Variants in TNRC18 observed in about 807,000 individuals in gnomAD.
TNRC18 encodes the protein trinucleotide repeat containing 18, also known as trinucleotide repeat-containing gene 18 protein.
A neutral mutation model predicts 226.7 loss-of-function variants in TNRC18; 69 were observed. The observed-to-expected ratio is 0.30, with a 90% CI of 0.25 to 0.37. The LOEUF (loss-of-function observed/expected upper bound fraction) is 0.37, where lower values mean the gene tolerates loss of function less well. Ranked by LOEUF, TNRC18 falls within the 10% of genes least tolerant of loss-of-function variation. The pLI is 1.00. For missense variants in TNRC18, 4,754 were observed against 4,256.6 expected, an observed-to-expected ratio of 1.12 and a Z score of -3.25; for synonymous variants, 2,449 against 1,927.6, an observed-to-expected ratio of 1.27 and a Z score of -7.09.
chr7:5,344,551 T>C (rs1325163180), intron 18 of TNRC18, among the ~76,000 whole-genome samples: 2 of 151,998 alleles, frequency 1.3e-5, no homozygotes, highest in East Asian at 1.9e-4. Context: ...GGGTGGGGCT[T>C]TGCTCCACGA....
In TNRC18 at chr7:5,374,469, C is replaced by T. The variant is rs1206871844; in HGVS notation, c.2815G>A (p.Ala939Thr). 1.9e-6 allele frequency: 3 copies of T among 1,546,772 alleles called. No homozygotes were observed. Among genetic ancestry groups the T allele is most frequent in the Admixed American group, 2.0e-5 (1 of 51,008 alleles). ...SAQLVQERLK[A>T]QEHRAEMEEK... ...TCCATCTCCGCCCGGTGCTCCTGCG[C>T]CTTCAACCGCTCCTGCTGGGAAGGG... Residue 939 changes from alanine (A) to threonine (T), a missense_variant, in exon 10 of 30, where the codon GCG (alanine) becomes ACG (threonine). Ala to Thr is a moderately conservative substitution (Grantham distance 58). Coordinates refer to ENST00000430969, the MANE Select transcript of TNRC18 (RefSeq NM_001080495.3).
At chr7:5,367,776 C>A (rs575271719) in intron 11 of TNRC18, among the ~76,000 whole-genome samples, 1 of 151,614 alleles carries the variant, frequency 6.6e-6, no homozygotes, top group Non-Finnish European at 1.5e-5. Flanking sequence ...AAAAAAGTTT[C>A]TATTGAACTA....
At chr7:5,359,345 C>CT in intron 15 of TNRC18, 53 bp downstream of exon 15, 1 of 1,599,172 alleles carries the variant, frequency 6.3e-7, no homozygotes, top group South Asian at 1.1e-5. Context: ...TTAACACACC[C>CT]TCCAGACACC....
chr7:5,420,686 G>T, intron 2 of TNRC18: 1 of 504,696 alleles, frequency 2.0e-6, no homozygotes, highest in Non-Finnish European at 3.9e-6. Context: ...ATTCGAGCTC[G>T]GGGAGCGGGT....
rs1031206651 is a variant in TNRC18 at position 5,345,671 on chromosome 7, G to C, written c.5610C>G (p.Arg1870=). ...LEESGLGLLA[R]FAASALPSPT... ...GGCTGGGGAGGGCGCTGGCGGCGAA[G>C]CGTGCCAGCAGGCCCAGCCCACTCT... Residue 1870 remains arginine, a synonymous_variant, in exon 18 of 30, where the codon CGC becomes CGG. Coordinates refer to ENST00000430969, the MANE Select transcript of TNRC18 (RefSeq NM_001080495.3). 1.3e-6 allele frequency: 2 copies of C among 1,551,386 alleles called. No homozygotes were observed. Among genetic ancestry groups the C allele is most frequent in the Non-Finnish European group, 1.7e-6 (2 of 1,147,680 alleles).
At chr7:5,361,506 A>G (rs1793045277) in intron 14 of TNRC18, 88 bp downstream of exon 14, 78 of 1,394,008 alleles carry the variant, frequency 5.6e-5, no homozygotes, top group Non-Finnish European at 7.1e-5. Flanking sequence ...GAGGTCCCCC[A>G]GCACCCCGAG....
At position 5,362,802 on chromosome 7, in the gene TNRC18, G is replaced by A. The variant is rs200218517; in HGVS notation, c.4243C>T (p.Arg1415Trp). The A allele has an allele frequency of 1.9e-5, 29 of 1,563,704 alleles. No individual in the cohort carries two copies. Among genetic ancestry groups the A allele is most frequent in the African/African-American group, 4.1e-5 (3 of 73,716 alleles). The change falls in exon 12 of 30, where the codon CGG (arginine) becomes TGG (tryptophan). Residue 1415 changes from arginine (R) to tryptophan (W), a missense_variant. Transcript: ENST00000430969. Reference sequence around the variant, plus strand: ...GCCAGCAGACTCTCCAGGGAGGGCCGCGCCACCAGGGCCCGCTCCGCACCT... The same window carrying A: ...GCCAGCAGACTCTCCAGGGAGGGCCACGCCACCAGGGCCCGCTCCGCACCT... ...MGGAERALVARPSLESLLAAG... is the reference protein window; with the variant it reads ...MGGAERALVAWPSLESLLAAG...
At chr7:5,326,524 T>C (rs914137491) in intron 19 of TNRC18, among the ~76,000 whole-genome samples, 5 of 152,036 alleles carry the variant, frequency 3.3e-5, no homozygotes, top group African/African-American at 1.2e-4. Context: ...AGCTGACTGA[T>C]AGCCTCAACC....
Position 5,332,857 on chromosome 7 carries a change from G to A in TNRC18, c.5912C>T (p.Ala1971Val). The A allele has an allele frequency of 6.6e-7, 1 of 1,511,176 alleles. No individual in the cohort carries two copies. The highest frequency in any genetic ancestry group is 1.2e-5 in the South Asian group (1 of 80,686). 93.6% of individuals were successfully genotyped at this position (1,511,176 alleles called of 1,614,324 possible). The change falls in exon 19 of 30, where the codon GCC (alanine) becomes GTC (valine). Residue 1971 changes from alanine (A) to valine (V), a missense_variant. Physicochemically the swap from Ala to Val is moderately conservative, Grantham distance 64 (BLOSUM62 0). Transcript: ENST00000430969. ...AKLAVEKGRK[A>V]RKLRGPKEPG... ...CTCCTTGGGGCCCCGCAGCTTCCGG[G>A]CCTTGCGCCCCTTCTCCACCGCCAG...
intron 2 of TNRC18, among the ~76,000 whole-genome samples, chr7:5,398,611 G>GC (rs1554299972): frequency 6.7e-6 from 1 of 150,296 alleles, no homozygotes; most frequent in Non-Finnish European, 1.5e-5. Flanking sequence ...GAGCCACCGT[G>GC]CCCGGCCTCT....
intron 2 of TNRC18, among the ~76,000 whole-genome samples, chr7:5,409,998 A>G (rs1781739083): frequency 6.6e-6 from 1 of 151,060 alleles, no homozygotes; most frequent in African/African-American, 2.4e-5. Flanking sequence ...CTCAAAAAAA[A>G]AAAAAAATTT....
At position 5,421,270 on chromosome 7, in the gene TNRC18, G is replaced by GC. The variant is rs556246102; in HGVS notation, c.-25dup. On this transcript the variant is annotated 5_prime_UTR_variant, in exon 2 of 30. Coordinates refer to ENST00000430969, the MANE Select transcript of TNRC18 (RefSeq NM_001080495.3). ...ATCCTCCGCGGGAGTGCCGCGATCAGCCCCCCACCCGGCCCGCAGGCCTAG... is the reference window on the plus strand; with the variant it reads ...ATCCTCCGCGGGAGTGCCGCGATCAGCCCCCCCACCCGGCCCGCAGGCCTAG... The GC allele has an allele frequency of 9.8e-5, 125 of 1,277,112 alleles. 1 individual carries two copies. The South Asian group carries it at 2.1e-3, about 21-fold the overall frequency. 79.1% of individuals were successfully genotyped at this position (1,277,112 alleles called of 1,614,324 possible).
chr7:5,413,392 C>T (rs1164312565), intron 2 of TNRC18, among the ~76,000 whole-genome samples: 1 of 152,166 alleles, frequency 6.6e-6, no homozygotes, highest in Non-Finnish European at 1.5e-5. Flanking sequence ...TCTCCCCATC[C>T]GTCTTACCTG....
chr7:5,413,832 C>A (rs1328897030), intron 2 of TNRC18, among the ~76,000 whole-genome samples: 1 of 152,078 alleles, frequency 6.6e-6, no homozygotes, highest in African/African-American at 2.4e-5. Context: ...CATGCCCAGC[C>A]CCTAGTTTTT....
chr7:5,365,898 T>C (rs543805154), intron 11 of TNRC18, among the ~76,000 whole-genome samples: 16 of 152,130 alleles, frequency 1.1e-4, no homozygotes, highest in Middle Eastern at 3.4e-3. Context: ...GGAGAAACCC[T>C]ATCTCTACTA....
At chr7:5,320,957 G>A in intron 22 of TNRC18, 116 bp downstream of exon 22, 11 of 773,730 alleles carry the variant, frequency 1.4e-5, no homozygotes, top group Non-Finnish European at 2.1e-5. Flanking sequence ...CCCCTGCCCT[G>A]TGCCATCGGG....
At chr7:5,345,517 G>GGGGGGGGGGGGGCAGCCCCCCCCCCC in intron 18 of TNRC18, 45 bp downstream of exon 18, 1 of 377,744 alleles carries the variant, frequency 2.6e-6, no homozygotes, top group Non-Finnish European at 4.8e-6. Context: ...AATGGCGTCC[G>GGGGGGGGGGGGGCAGCCCCCCCCCCC]CCCCTCCCAC....
intron 19 of TNRC18, among the ~76,000 whole-genome samples, chr7:5,328,557 G>T (rs931845404): frequency 4.0e-5 from 6 of 151,382 alleles, no homozygotes; most frequent in Admixed American, 1.3e-4. Flanking sequence ...CACCCAGGCT[G>T]GAGTGCAGTG....
chr7:5,357,100 G>A lies in TNRC18; in HGVS notation c.5010C>T (p.Asp1670=). 6.4e-7 allele frequency: 1 copy of A among 1,552,320 alleles called. No individual in the cohort carries two copies. Among genetic ancestry groups the A allele is most frequent in the Non-Finnish European group, 8.7e-7 (1 of 1,147,224 alleles). ...CCTTCCTGTTCTTCCCCAGCAGGCT[G>A]TCGTAAGGAGTCAAGTACCTGCCGC... ...GGCGRYLTPY[D]SLLGKNRKAL... Residue 1670 remains aspartate, a synonymous_variant, in exon 16 of 30, where the codon GAC becomes GAT. Transcript: ENST00000430969.
Sources: allele counts gnomAD v4.1 joint callset (sites outside exome capture counted in the v4.1 genomes callset), GRCh38; gene constraint gnomAD v4.1.1; transcripts MANE v1.5; gene names NCBI Gene and HGNC (gene_info 2026-07-23, HGNC 2026-07-21).